Variants in CHD9 observed in about 807,000 individuals in gnomAD.
The protein encoded by CHD9 is chromodomain helicase DNA binding protein 9.
CHD9 carries 77 observed loss-of-function variants against 316.1 expected under a neutral mutation model. The observed-to-expected ratio is 0.24, with a 90% CI of 0.20 to 0.29. The LOEUF (loss-of-function observed/expected upper bound fraction) is 0.29. CHD9 is among the 10% of genes least tolerant of loss of function. CHD9 has a pLI of 1.00. For synonymous variants in CHD9, 1,129 were observed against 1,158.3 expected (o/e 0.97, Z 0.51); for missense variants, 2,763 against 3,438.1 (o/e 0.80, Z 4.91).
intron 2 of CHD9, among the ~76,000 whole-genome samples, chr16:53,187,243 C>G (rs748277181): frequency 6.6e-6 from 1 of 152,044 alleles, no homozygotes; most frequent in Admixed American, 6.5e-5. Flanking sequence ...TGCAGTCACT[C>G]ATGCCTGTAA....
At chr16:53,322,598 A>G (rs2057349209) in intron 38 of CHD9, among the ~76,000 whole-genome samples, 1 of 152,076 alleles carries the variant, frequency 6.6e-6, no homozygotes, top group African/African-American at 2.4e-5. Flanking sequence ...ATCTCAAAAA[A>G]AAAAAAAACA....
At chr16:53,134,084 C>G (rs1358587545) in intron 1 of CHD9, among the ~76,000 whole-genome samples, 2 of 151,888 alleles carry the variant, frequency 1.3e-5, no homozygotes, top group Non-Finnish European at 2.9e-5. Context: ...AAAATGAAAT[C>G]CTAGAGAGTC....
intron 1 of CHD9, among the ~76,000 whole-genome samples, chr16:53,146,344 G>A (rs1426241783): frequency 1.4e-5 from 2 of 144,268 alleles, no homozygotes; most frequent in South Asian, 2.2e-4. Flanking sequence ...AGTGAGCTGA[G>A]ATCATGCCAT....
chr16:53,247,173 A>G, intron 15 of CHD9, 120 bp from the exon 16 acceptor site: 2 of 681,868 alleles, frequency 2.9e-6, no homozygotes, highest in South Asian at 1.9e-5. Context: ...AGCAATGTAC[A>G]TGCCATTAGA....
At chr16:53,242,443 T>A (rs2049185908) in intron 12 of CHD9, among the ~76,000 whole-genome samples, 1 of 152,190 alleles carries the variant, frequency 6.6e-6, no homozygotes, top group South Asian at 2.1e-4. Context: ...GGATGGCTAA[T>A]TATTCACTAT....
chr16:53,118,292 C>G (rs1009315784), intron 1 of CHD9, among the ~76,000 whole-genome samples: 1 of 152,100 alleles, frequency 6.6e-6, no homozygotes, highest in Non-Finnish European at 1.5e-5. Flanking sequence ...AGGTGCACAC[C>G]TGTAATCCCA....
chr16:53,262,962 C>G (rs781002653), intron 19 of CHD9, 25 bp from the exon 20 acceptor site: 1 of 1,564,986 alleles, frequency 6.4e-7, no homozygotes, highest in Non-Finnish European at 8.8e-7. Context: ...GATTTTTCCT[C>G]TAAAACTGCC....
chr16:53,217,253 G>T (rs901086721), intron 3 of CHD9, among the ~76,000 whole-genome samples: 25 of 152,050 alleles, frequency 1.6e-4, no homozygotes, highest in African/African-American at 6.0e-4. Context: ...TAAAGAATCT[G>T]TATTTTATTT....
intron 30 of CHD9, among the ~76,000 whole-genome samples, chr16:53,302,489 T>C (rs1348289667): frequency 6.6e-6 from 1 of 152,210 alleles, no homozygotes. Context: ...ACTTTAATTG[T>C]GTGGTTAAGG....
chr16:53,113,934 C>A (rs2038069738), intron 1 of CHD9, among the ~76,000 whole-genome samples: 1 of 152,000 alleles, frequency 6.6e-6, no homozygotes, highest in African/African-American at 2.4e-5. Context: ...TCTTGGACTC[C>A]TGGCCTCACC....
At chr16:53,243,101 CT>C in intron 13 of CHD9, 85 bp downstream of exon 13, 1 of 1,012,632 alleles carries the variant, frequency 9.9e-7, no homozygotes. Flanking sequence ...AAAAATTTTT[CT>C]TTTTAATTTT....
chr16:53,207,440 A>G (rs1309142241), intron 2 of CHD9, among the ~76,000 whole-genome samples: 2 of 152,218 alleles, frequency 1.3e-5, no homozygotes, highest in Non-Finnish European at 2.9e-5. Flanking sequence ...CAATTTTAAC[A>G]TTGTTAGTAA....
intron 19 of CHD9, among the ~76,000 whole-genome samples, chr16:53,259,745 G>A (rs183439611): frequency 1.2e-4 from 18 of 152,178 alleles, no homozygotes; most frequent in Admixed American, 7.2e-4. Context: ...AAATTCCTGA[G>A]CTCAAGAAGT....
At chr16:53,163,007 G>T (rs552413732) in intron 2 of CHD9, among the ~76,000 whole-genome samples, 2 of 152,030 alleles carry the variant, frequency 1.3e-5, no homozygotes, top group Non-Finnish European at 2.9e-5. Context: ...CTGGCCTCCA[G>T]CAATCCTCCC....
intron 2 of CHD9, among the ~76,000 whole-genome samples, chr16:53,175,281 T>C (rs2043026226): frequency 6.6e-6 from 1 of 152,214 alleles, no homozygotes; most frequent in African/African-American, 2.4e-5. Context: ...TACCTTGGGT[T>C]CTTGGCTTCA....
Position 53,156,895 on chromosome 16 carries a change from A to T in CHD9, c.806A>T (p.Gln269Leu), listed in dbSNP as rs1372822261. Residue 269 changes from glutamine to leucine, a missense_variant, in exon 2 of 39, where the codon CAA becomes CTA. Transcript: ENST00000447540. ...MTSCSVSNSQ[Q>L]FSSHYSFSSN... ...TCTTGTTCTGTCAGTAATTCACAGC[A>T]ATTTTCTTCACATTATTCCTTTTCC... The T allele has an allele frequency of 6.2e-7, 1 of 1,613,592 alleles. No homozygotes were observed. The highest frequency in any genetic ancestry group is 8.5e-7 in the Non-Finnish European group (1 of 1,179,710).
chr16:53,309,821 T>C (rs1047411813), intron 34 of CHD9, among the ~76,000 whole-genome samples: 2 of 152,066 alleles, frequency 1.3e-5, no homozygotes, highest in African/African-American at 2.4e-5. Context: ...AAAAGTGTGA[T>C]GTCAAGAATT....
intron 1 of CHD9, among the ~76,000 whole-genome samples, chr16:53,084,911 G>C (rs1184753959): frequency 6.6e-6 from 1 of 152,178 alleles, no homozygotes; most frequent in Non-Finnish European, 1.5e-5. Flanking sequence ...CCATACTGCA[G>C]GCATACAGGA....
At chr16:53,228,446 G>A (rs1312909080) in intron 7 of CHD9, among the ~76,000 whole-genome samples, 5 of 151,510 alleles carry the variant, frequency 3.3e-5, no homozygotes, top group East Asian at 3.9e-4. Flanking sequence ...TTGGATAAAG[G>A]TCAGGTAACT....
Sources: gnomAD v4.1 joint callset for allele counts (sites outside exome capture counted in the v4.1 genomes callset) on GRCh38, gnomAD v4.1.1 for gene constraint, MANE v1.5 for transcripts, NCBI Gene and HGNC (gene_info 2026-07-23, HGNC 2026-07-21) for gene names.